Variants in PRRG1 observed in about 807,000 individuals in gnomAD.
PRRG1 encodes proline rich and Gla domain 1, also known as transmembrane gamma-carboxyglutamic acid protein 1.
PRRG1 carries 5 observed loss-of-function variants against 11.8 expected under a neutral mutation model. The observed-to-expected ratio is 0.42, with a 90% CI of 0.22 to 0.89. The LOEUF (loss-of-function observed/expected upper bound fraction) is 0.89, where lower values mean the gene tolerates loss of function less well. Ranked by LOEUF, PRRG1 falls within the 40% of genes least tolerant of loss-of-function variation. The pLI, the probability that PRRG1 is intolerant of heterozygous loss-of-function variation, is 0.28. For missense variants in PRRG1, 155 were observed against 166.1 expected (o/e 0.93, Z 0.37); for synonymous variants, 66 against 60.4 (o/e 1.09, Z -0.43).
chrX:37,416,515 G>A (rs782191767), intron 2 of PRRG1, among the ~76,000 whole-genome samples: 19 of 111,764 alleles, frequency 1.7e-4, no homozygotes, highest in African/African-American at 6.2e-4. Context: ...GAAATCATAC[G>A]GTTGTAACAA....
chrX:37,392,667 A>G (rs2146557261), intron 1 of PRRG1, among the ~76,000 whole-genome samples: 1 of 109,322 alleles, frequency 9.1e-6, no homozygotes, highest in Non-Finnish European at 1.9e-5. Flanking sequence ...CAAAAAAAAA[A>G]AAAAAAAAGA....
intron 1 of PRRG1, among the ~76,000 whole-genome samples, chrX:37,395,040 T>C (rs956596692): frequency 1.8e-5 from 2 of 111,820 alleles, no homozygotes; most frequent in Non-Finnish European, 3.8e-5. Context: ...TAGGTCCTGC[T>C]TACTGTTACT....
chrX:37,394,650 G>A (rs1045255953), intron 1 of PRRG1, among the ~76,000 whole-genome samples: 19 of 111,237 alleles, frequency 1.7e-4, no homozygotes, highest in Non-Finnish European at 3.2e-4. Context: ...TAATTGAATC[G>A]CAGAGGATTA....
At chrX:37,394,043 T>C (rs1284152267) in intron 1 of PRRG1, among the ~76,000 whole-genome samples, 1 of 112,440 alleles carries the variant, frequency 8.9e-6, no homozygotes, top group Admixed American at 9.5e-5. Flanking sequence ...CTATTTACTA[T>C]GCAAACATGA....
chrX:37,400,339 C>T (rs1267455868), intron 1 of PRRG1, among the ~76,000 whole-genome samples: 3 of 111,556 alleles, frequency 2.7e-5, no homozygotes, highest in African/African-American at 6.5e-5. Context: ...CACTCAAAAC[C>T]GCTCAACTAC....
intron 1 of PRRG1, among the ~76,000 whole-genome samples, chrX:37,390,288 CAT>C (rs1189979664): frequency 5.4e-5 from 6 of 111,498 alleles, no homozygotes; most frequent in Non-Finnish European, 1.1e-4. Context: ...TAATTTCCAA[CAT>C]ATGAATTTTG....
intron 1 of PRRG1, chrX:37,403,852 A>C (rs1449824667): frequency 2.5e-5 from 14 of 564,890 alleles, no homozygotes; most frequent in Non-Finnish European, 2.3e-5. Flanking sequence ...TCTCTCTAAG[A>C]AAATTGTCTT....
intron 2 of PRRG1, among the ~76,000 whole-genome samples, chrX:37,413,289 C>T (rs192109485): frequency 1.1e-4 from 12 of 110,674 alleles, no homozygotes; most frequent in Admixed American, 4.8e-4. Flanking sequence ...AAAAAAAATC[C>T]TCTGTGTGCC....
intron 3 of PRRG1, among the ~76,000 whole-genome samples, chrX:37,437,058 G>A (rs1180254045): frequency 2.7e-5 from 3 of 112,276 alleles, no homozygotes; most frequent in Admixed American, 1.9e-4. Flanking sequence ...GATGAGGGAG[G>A]TCTGACTGTT....
At chrX:37,398,571 C>T (rs1004548069) in intron 1 of PRRG1, among the ~76,000 whole-genome samples, 6 of 112,079 alleles carry the variant, frequency 5.4e-5, no homozygotes, top group African/African-American at 9.7e-5. Flanking sequence ...AAAAGCAGAG[C>T]GCCTTTCCTC....
intron 1 of PRRG1, among the ~76,000 whole-genome samples, chrX:37,365,551 A>G (rs781822136): frequency 4.4e-4 from 49 of 112,034 alleles, no homozygotes; most frequent in Non-Finnish European, 8.1e-4. Context: ...CTATATAATA[A>G]TCTGTTATCT....
intron 1 of PRRG1, among the ~76,000 whole-genome samples, chrX:37,382,676 CAT>C (rs1931189328): frequency 9.3e-6 from 1 of 107,494 alleles, no homozygotes; most frequent in African/African-American, 3.6e-5. Context: ...ACTGGAATAA[CAT>C]ATGAGCTCAA....
chrX:37,413,430 T>C (rs1556384389), intron 2 of PRRG1, among the ~76,000 whole-genome samples: 1 of 111,326 alleles, frequency 9.0e-6, no homozygotes, highest in Non-Finnish European at 1.9e-5. Flanking sequence ...TCACTTAGTA[T>C]TATGCATTTA....
intron 1 of PRRG1, among the ~76,000 whole-genome samples, chrX:37,374,140 A>G (rs1419029496): frequency 9.0e-6 from 1 of 111,683 alleles, no homozygotes; most frequent in Non-Finnish European, 1.9e-5. Context: ...CTGGTGAATG[A>G]TCTTTTAAAT....
At chrX:37,387,705 G>T (rs1363756441) in intron 1 of PRRG1, among the ~76,000 whole-genome samples, 1 of 110,762 alleles carries the variant, frequency 9.0e-6, no homozygotes. Flanking sequence ...GTGAGATTTG[G>T]GTGGGGACAC....
At chrX:37,440,359 C>T (rs1242768257) in intron 3 of PRRG1, among the ~76,000 whole-genome samples, 7 of 111,381 alleles carry the variant, frequency 6.3e-5, no homozygotes, top group Non-Finnish European at 1.1e-4. Flanking sequence ...ATAATTAGGC[C>T]GATTTGGGAG....
intron 1 of PRRG1, among the ~76,000 whole-genome samples, chrX:37,371,438 A>G (rs1556370775): frequency 8.9e-6 from 1 of 112,339 alleles, no homozygotes; most frequent in East Asian, 2.8e-4. Context: ...GAACCCACCA[A>G]TGGCAGGGCA....
intron 3 of PRRG1, among the ~76,000 whole-genome samples, chrX:37,432,180 C>G (rs368710783): frequency 1.8e-5 from 2 of 109,335 alleles, no homozygotes; most frequent in African/African-American, 6.7e-5. Context: ...CTCCGCCTCC[C>G]GGGTTCACGC....
At chrX:37,365,540 G>A (rs1930548662) in intron 1 of PRRG1, among the ~76,000 whole-genome samples, 1 of 111,989 alleles carries the variant, frequency 8.9e-6, no homozygotes, top group Non-Finnish European at 1.9e-5. Flanking sequence ...AATCTTAGTT[G>A]CTATATAATA....
Sources: gnomAD v4.1 joint callset for allele counts (sites outside exome capture counted in the v4.1 genomes callset) on GRCh38, gnomAD v4.1.1 for gene constraint, MANE v1.5 for transcripts, NCBI Gene and HGNC (gene_info 2026-07-23, HGNC 2026-07-21) for gene names.